The following EVC2 variants were observed in gnomAD, a reference collection of about 807,000 sequenced individuals.
EVC2 encodes the protein limbin.
Under a neutral mutation model 149.3 loss-of-function variants are expected in EVC2, and 148 were observed. That is an observed-to-expected ratio of 0.99 (90% CI 0.87 to 1.14). The LOEUF is 1.14. Ranked by LOEUF, EVC2 falls within the 50% of genes most tolerant of loss-of-function variation. The pLI, the probability that EVC2 is intolerant of heterozygous loss-of-function variation, is 0.00. For synonymous variants in EVC2, 776 were observed against 649.9 expected (o/e 1.19, Z -2.95); for missense variants, 1,854 against 1,627.3 (o/e 1.14, Z -2.40).
intron 21 of EVC2, among the ~76,000 whole-genome samples, chr4:5,547,118 C>T (rs751401816): frequency 2.0e-5 from 3 of 152,260 alleles, no homozygotes; most frequent in Admixed American, 6.5e-5. Context: ...GCTCCCACTG[C>T]CTGGCTTCTC....
At chr4:5,700,947 G>C (rs1481021376) in intron 1 of EVC2, among the ~76,000 whole-genome samples, 3 of 152,228 alleles carry the variant, frequency 2.0e-5, no homozygotes, top group Non-Finnish European at 4.4e-5. Context: ...TGCAAATGTA[G>C]TGGCTTAATA....
chr4:5,536,644 C>T, the EVC2 span, among the ~76,000 whole-genome samples: 1 of 151,976 alleles, frequency 6.6e-6, no homozygotes, highest in Non-Finnish European at 1.5e-5. Flanking sequence ...ATTAGCTGGG[C>T]ATGGTGGCGG....
chr4:5,621,097 G>A lies in EVC2; in HGVS notation c.2501+1440C>T, dbSNP rs184513007. ...GGGAAAGGGCCAAAGGTCACTTAAC[G>A]CAAACCAAGATAGTATCAATCTTTG... is the stretch of plus-strand genomic sequence containing the variant. On this transcript the variant is annotated intron_variant, in intron 14 of 21. Coordinates refer to ENST00000344408, the MANE Select transcript of EVC2 (RefSeq NM_147127.5). Among the ~76,000 whole-genome samples, 279 of 152,306 alleles carry A rather than the reference G, an allele frequency of 1.8e-3. 3 individuals carry two copies. The highest frequency in any genetic ancestry group is 1.6e-4 in the Non-Finnish European group (11 of 68,026).
intron 21 of EVC2, among the ~76,000 whole-genome samples, chr4:5,552,274 C>T (rs1023013640): frequency 3.3e-5 from 5 of 152,142 alleles, no homozygotes; most frequent in African/African-American, 1.2e-4. Context: ...TAATGCAATT[C>T]AAGCACAATT....
At chr4:5,588,562 C>T (rs1006868569) in intron 16 of EVC2, among the ~76,000 whole-genome samples, 11 of 152,084 alleles carry the variant, frequency 7.2e-5, no homozygotes, top group African/African-American at 2.2e-4. Context: ...TCTCATGGCT[C>T]ACTTTTCTCT....
chr4:5,598,342 A>C (rs1159316812), intron 16 of EVC2, among the ~76,000 whole-genome samples: 1 of 151,124 alleles, frequency 6.6e-6, no homozygotes, highest in Non-Finnish European at 1.5e-5. Flanking sequence ...CAGTAACCAA[A>C]ACAGCATGGT....
intron 11 of EVC2, among the ~76,000 whole-genome samples, chr4:5,630,555 T>C (rs1020754465): frequency 2.0e-5 from 3 of 152,182 alleles, no homozygotes; most frequent in Non-Finnish European, 4.4e-5. Context: ...AGCAAGCCAC[T>C]TTCTGGAATG....
intron 12 of EVC2, among the ~76,000 whole-genome samples, chr4:5,627,206 T>C (rs1484257166): frequency 6.6e-6 from 1 of 152,030 alleles, no homozygotes; most frequent in Non-Finnish European, 1.5e-5. Context: ...CAAGGGAGGT[T>C]CCTTGAAGGA....
intron 7 of EVC2, among the ~76,000 whole-genome samples, chr4:5,680,397 G>A (rs765957887): frequency 1.1e-4 from 16 of 152,296 alleles, no homozygotes; most frequent in South Asian, 8.3e-4. Flanking sequence ...ACCATGCTAC[G>A]ATGGATATTA....
intron 10 of EVC2, among the ~76,000 whole-genome samples, chr4:5,632,538 T>C (rs777830649): frequency 2.0e-5 from 3 of 152,082 alleles, no homozygotes; most frequent in Non-Finnish European, 4.4e-5. Context: ...CTGCAAAAAA[T>C]GGAAATCTCT....
At chr4:5,620,173 C>T (rs904626122) in intron 14 of EVC2, among the ~76,000 whole-genome samples, 17 of 152,200 alleles carry the variant, frequency 1.1e-4, no homozygotes, top group African/African-American at 4.1e-4. Flanking sequence ...TTTAAAGCAA[C>T]CTTTGGAAAC....
chr4:5,689,044 G>A (rs1720921195), intron 5 of EVC2, 113 bp downstream of exon 5: 3 of 1,133,770 alleles, frequency 2.6e-6, no homozygotes, highest in African/African-American at 3.0e-5. Flanking sequence ...AGGATTAGGA[G>A]AGTGAACATG....
chr4:5,678,169 T>C (rs377754705), intron 7 of EVC2, among the ~76,000 whole-genome samples: 10 of 152,352 alleles, frequency 6.6e-5, no homozygotes, highest in African/African-American at 2.4e-4. Context: ...CTCTCTGTTT[T>C]CAAACTGTCT....
At position 5,567,135 on chromosome 4, in the gene EVC2, A is replaced by T. The variant is rs1445237235; in HGVS notation, c.3557+1309T>A. Among the ~76,000 whole-genome samples the T allele has an allele frequency of 6.6e-6, 1 of 151,840 alleles. No homozygotes were observed. Among genetic ancestry groups the T allele is most frequent in the Non-Finnish European group, 1.5e-5 (1 of 67,932 alleles). On this transcript the variant is annotated intron_variant, in intron 20 of 21. Coordinates refer to ENST00000344408, the MANE Select transcript of EVC2 (RefSeq NM_147127.5). This position sits in a 1 kb window ranked among gnomAD's most constrained non-coding sequence, Gnocchi z 4.4. ...CCACACCCAGCCCTCTGACCACGCC[A>T]ACAACCAGACCTCTGACCCCCTAAC...
In EVC2 at chr4:5,636,847, G is replaced by A. The variant is rs1716918205; in HGVS notation, c.1470+3667C>T. ...TTTAAAGATGACTATAACACATGAT[G>A]GATAATTATAAAGCAGTCTGTGGTT... is the stretch of plus-strand genomic sequence containing the variant. On this transcript the variant is annotated intron_variant, in intron 10 of 21. Coordinates refer to ENST00000344408, the MANE Select transcript of EVC2 (RefSeq NM_147127.5). The surrounding 1 kb of genome is among the most constrained non-coding windows in gnomAD (Gnocchi z 4.6). 6.6e-6 allele frequency among the ~76,000 whole-genome samples: 1 copy of A among 152,152 alleles called. No homozygotes were observed. The highest frequency in any genetic ancestry group is 1.5e-5 in the Non-Finnish European group (1 of 68,020).
At position 5,708,486 on chromosome 4, in the gene EVC2, G is replaced by A; in HGVS notation, c.28C>T (p.Pro10Ser). The A allele has an allele frequency of 6.7e-7, 1 of 1,483,774 alleles. No homozygotes were observed. Among genetic ancestry groups the A allele is most frequent in the Non-Finnish European group, 8.9e-7 (1 of 1,124,970 alleles). The allele number at this position is 1,483,774 out of a possible 1,614,324, so 91.9% of individuals were successfully genotyped here. A position where few individuals can be genotyped will look rare whatever the true frequency, so the allele number is the denominator to read the frequency against. ...AGACCCCCGGCCAGCACCCACGTGG[G>A]GCGCCCCCGGGAGCCCGAGGGGTCC... MDPSGSRGR[P>S]TWVLAGGLLA... is the part of the protein sequence containing the mutation. The change falls in exon 1 of 22, where the codon CCC (proline) becomes TCC (serine). Residue 10 changes from proline to serine, a missense_variant. By Grantham distance (74) the Pro-to-Ser change is moderately conservative (BLOSUM62 -1). Transcript: ENST00000344408.
In EVC2 at chr4:5,694,412, G is replaced by A. The variant is rs766231079; in HGVS notation, c.373C>T (p.His125Tyr). The A allele has an allele frequency of 6.2e-7, 1 of 1,614,166 alleles. No individual in the cohort carries two copies. Among genetic ancestry groups the A allele is most frequent in the East Asian group, 2.2e-5 (1 of 44,874 alleles). Residue 125 changes from histidine (H) to tyrosine (Y), a missense_variant, in exon 3 of 22, where the codon CAT (histidine) becomes TAT (tyrosine). His to Tyr is a moderately conservative substitution (Grantham distance 83). Coordinates refer to ENST00000344408, the MANE Select transcript of EVC2 (RefSeq NM_147127.5). ...TSAASSGPWAHSLFAFIPSWP... is the reference protein window; with the variant it reads ...TSAASSGPWAYSLFAFIPSWP... ...GAGGGTATAAAAGCAAATAAGGAAT[G>A]AGCCCATGGCCCACTAGAGGCTGCA...
intron 4 of EVC2, among the ~76,000 whole-genome samples, chr4:5,690,339 G>C (rs1273497480): frequency 1.3e-5 from 2 of 152,092 alleles, no homozygotes; most frequent in Non-Finnish European, 2.9e-5. Context: ...TGGCCCTTGA[G>C]CAGCTCCTGA....
intron 7 of EVC2, among the ~76,000 whole-genome samples, chr4:5,671,817 A>T (rs533032475): frequency 2.0e-5 from 3 of 152,340 alleles, no homozygotes; most frequent in African/African-American, 7.2e-5. Context: ...GCCTCAAACA[A>T]TATTTTAAGT....
Sources: gnomAD v4.1 joint callset for allele counts (sites outside exome capture counted in the v4.1 genomes callset) on GRCh38, gnomAD v4.1.1 for gene constraint, Gnocchi (gnomAD v3.1) non-coding constraint, MANE v1.5 for transcripts, NCBI Gene and HGNC (gene_info 2026-07-23, HGNC 2026-07-21) for gene names.